Variants in NDUFAF2 observed in about 807,000 individuals in gnomAD.
NDUFAF2 encodes NADH dehydrogenase [ubiquinone] 1 alpha subcomplex assembly factor 2.
In NDUFAF2, 13 loss-of-function variants were observed where a neutral mutation model predicts 22.8. That is an observed-to-expected ratio of 0.57 (90% CI 0.37 to 0.91). NDUFAF2 has a LOEUF of 0.91. Among genes scored for constraint, NDUFAF2 ranks in the 40% least tolerant of loss-of-function variants. The pLI, the probability that NDUFAF2 is intolerant of heterozygous loss-of-function variation, is 0.01. For missense variants in NDUFAF2, 162 were observed against 195.2 expected (o/e 0.83, Z 1.01); for synonymous variants, 53 against 64.2 (o/e 0.83, Z 0.84).
At chr5:61,031,233 G>A (rs946332772) in intron 1 of NDUFAF2, among the ~76,000 whole-genome samples, 8 of 151,978 alleles carry the variant, frequency 5.3e-5, no homozygotes, top group Non-Finnish European at 8.8e-5. Context: ...TGTTACATAG[G>A]TATACACGTG....
chr5:61,020,512 A>T (rs1246581936), intron 1 of NDUFAF2, among the ~76,000 whole-genome samples: 1 of 150,450 alleles, frequency 6.6e-6, no homozygotes, highest in Non-Finnish European at 1.5e-5. Flanking sequence ...GTCTTCTTTG[A>T]CCCATGAATT....
At chr5:61,148,260 C>G (rs1052101055) in intron 3 of NDUFAF2, among the ~76,000 whole-genome samples, 1 of 152,146 alleles carries the variant, frequency 6.6e-6, no homozygotes, top group Non-Finnish European at 1.5e-5. Flanking sequence ...TAGGGTTTAT[C>G]TAATTTGTTA....
At chr5:60,986,622 C>G (rs1751081815) in intron 1 of NDUFAF2, among the ~76,000 whole-genome samples, 1 of 151,992 alleles carries the variant, frequency 6.6e-6, no homozygotes, top group South Asian at 2.1e-4. Context: ...CAGAGCTGAA[C>G]TGAAGGAGAT....
intron 1 of NDUFAF2, among the ~76,000 whole-genome samples, chr5:61,013,702 CTT>C (rs10628072): frequency 2.1e-5 from 3 of 145,282 alleles, no homozygotes; most frequent in Admixed American, 6.9e-5. Flanking sequence ...ACTTTATCTC[CTT>C]TTTTTTTTTT....
chr5:61,044,850 ATC>A (rs1580110490), intron 1 of NDUFAF2, among the ~76,000 whole-genome samples: 1 of 151,830 alleles, frequency 6.6e-6, no homozygotes, highest in East Asian at 1.9e-4. Context: ...TGTTTTTTCT[ATC>A]TCTGTAAAAA....
chr5:61,013,377 G>T (rs1412112514), intron 1 of NDUFAF2, among the ~76,000 whole-genome samples: 1 of 151,966 alleles, frequency 6.6e-6, no homozygotes, highest in Non-Finnish European at 1.5e-5. Flanking sequence ...TACATAAAAA[G>T]AAATTTTTCC....
At chr5:61,092,326 A>G (rs1442144938) in intron 2 of NDUFAF2, among the ~76,000 whole-genome samples, 1 of 152,094 alleles carries the variant, frequency 6.6e-6, no homozygotes, top group Non-Finnish European at 1.5e-5. Flanking sequence ...CATTTTAGCA[A>G]TATTGATTCT....
At chr5:60,969,144 C>T (rs1750795779) in intron 1 of NDUFAF2, among the ~76,000 whole-genome samples, 1 of 151,978 alleles carries the variant, frequency 6.6e-6, no homozygotes, top group African/African-American at 2.4e-5. Context: ...TCCAAATCTT[C>T]ATTATTGTGA....
intron 1 of NDUFAF2, among the ~76,000 whole-genome samples, chr5:61,062,886 G>C (rs572579293): frequency 1.3e-5 from 2 of 152,272 alleles, no homozygotes; most frequent in South Asian, 4.1e-4. Flanking sequence ...GGCCAAGAGA[G>C]ACTGAGAAGA....
intron 1 of NDUFAF2, among the ~76,000 whole-genome samples, chr5:61,045,441 T>C (rs1751941588): frequency 6.6e-6 from 1 of 151,502 alleles, no homozygotes; most frequent in South Asian, 2.1e-4. Context: ...GTATTTTTTG[T>C]AGCTATTGTA....
In NDUFAF2 at chr5:61,066,950, T is replaced by G. The variant is rs1025617575; in HGVS notation, c.128-6175T>G. Among the ~76,000 whole-genome samples, 4 of 151,776 alleles carry G rather than the reference T, an allele frequency of 2.6e-5. No homozygotes were observed. The South Asian group carries it at 6.2e-4, about 24-fold the overall frequency. ...GACAGGAAGGGGTGGTTGGGAGAAG[T>G]AGGGAGATGTATGTCAAAGGATACA... On this transcript the variant is annotated intron_variant, in intron 1 of 3. Coordinates refer to ENST00000296597, the MANE Select transcript of NDUFAF2 (RefSeq NM_174889.5).
At chr5:61,019,476 T>C (rs1751551361) in intron 1 of NDUFAF2, among the ~76,000 whole-genome samples, 1 of 152,076 alleles carries the variant, frequency 6.6e-6, no homozygotes, top group East Asian at 1.9e-4. Context: ...TCTTTTTCTT[T>C]TGTACAAGTA....
intron 2 of NDUFAF2, among the ~76,000 whole-genome samples, chr5:61,077,529 GAC>G (rs1167124262): frequency 6.6e-6 from 1 of 152,186 alleles, no homozygotes; most frequent in African/African-American, 2.4e-5. Flanking sequence ...TCTGAGAATA[GAC>G]AGTGTTTATG....
intron 1 of NDUFAF2, among the ~76,000 whole-genome samples, chr5:60,951,564 C>A (rs1298105343): frequency 6.6e-6 from 1 of 152,294 alleles, no homozygotes; most frequent in East Asian, 1.9e-4. Flanking sequence ...TCCACTTGGT[C>A]ATGATGCATT....
At chr5:61,139,893 T>G (rs565065359) in intron 3 of NDUFAF2, among the ~76,000 whole-genome samples, 2 of 152,326 alleles carry the variant, frequency 1.3e-5, no homozygotes, top group African/African-American at 4.8e-5. Context: ...CATAAAAGGC[T>G]CCTGACTCAG....
rs545683323 is a variant in NDUFAF2 at position 61,069,644 on chromosome 5, A to G, written c.128-3481A>G. The stretch of plus-strand genomic sequence containing the variant: ...TGGCTGAAGTTTAGGTTTCTGCTCT[A>G]GAGGCTCCTTCCCATATCTGTGTCC... On this transcript the variant is annotated intron_variant, in intron 1 of 3. Transcript: ENST00000296597. 2.0e-5 allele frequency among the ~76,000 whole-genome samples: 3 copies of G among 152,280 alleles called. No homozygotes were observed. The East Asian group carries it at 5.8e-4, about 29-fold the overall frequency.
intron 1 of NDUFAF2, among the ~76,000 whole-genome samples, chr5:60,962,813 C>T (rs766513022): frequency 1.3e-5 from 2 of 149,910 alleles, no homozygotes; most frequent in Non-Finnish European, 3.0e-5. Context: ...AGCCAAGTGA[C>T]AGAGTGAGAC....
intron 1 of NDUFAF2, among the ~76,000 whole-genome samples, chr5:61,052,125 G>A (rs1029108519): frequency 1.3e-5 from 2 of 148,210 alleles, no homozygotes; most frequent in Non-Finnish European, 3.0e-5. Flanking sequence ...TAGAGCACTT[G>A]TGGTCATACC....
intron 1 of NDUFAF2, among the ~76,000 whole-genome samples, chr5:60,956,462 G>C (rs928382138): frequency 6.6e-6 from 1 of 152,100 alleles, no homozygotes; most frequent in Non-Finnish European, 1.5e-5. Context: ...TTTCACTCTT[G>C]AATATAATAT....
Sources: allele counts gnomAD v4.1 joint callset (sites outside exome capture counted in the v4.1 genomes callset), GRCh38; gene constraint gnomAD v4.1.1; transcripts MANE v1.5; gene names NCBI Gene and HGNC (gene_info 2026-07-23, HGNC 2026-07-21).